Variants in COLGALT1 observed in about 807,000 individuals in gnomAD.
COLGALT1 encodes the protein collagen beta(1-O)galactosyltransferase 1.
A neutral mutation model predicts 60.8 loss-of-function variants in COLGALT1; 43 were observed. The observed-to-expected ratio is 0.71, with a 90% CI of 0.55 to 0.91. The LOEUF (loss-of-function observed/expected upper bound fraction) is 0.91. Ranked by LOEUF, COLGALT1 falls within the 40% of genes least tolerant of loss-of-function variation. COLGALT1 has a pLI of 0.00. For missense variants in COLGALT1, 845 were observed against 880.0 expected (o/e 0.96, Z 0.50); for synonymous variants, 369 against 374.2 (o/e 0.99, Z 0.16).
chr19:17,574,708 A>C (rs1437909444), intron 6 of COLGALT1, among the ~76,000 whole-genome samples: 1 of 152,116 alleles, frequency 6.6e-6, no homozygotes. Context: ...ACAACACCCA[A>C]GAGTGGCATA....
intron 1 of COLGALT1, among the ~76,000 whole-genome samples, chr19:17,557,740 T>A (rs1431864846): frequency 6.6e-6 from 1 of 152,208 alleles, no homozygotes; most frequent in Non-Finnish European, 1.5e-5. Flanking sequence ...TAACTGGGAC[T>A]ACAGGCGTAT....
chr19:17,580,381 G>C, intron 10 of COLGALT1: 1 of 433,734 alleles, frequency 2.3e-6, no homozygotes, highest in Non-Finnish European at 4.2e-6. Flanking sequence ...CCCCATCAGG[G>C]CACCTCGCCC....
intron 6 of COLGALT1, among the ~76,000 whole-genome samples, chr19:17,576,845 A>T (rs1041797306): frequency 2.0e-5 from 2 of 98,808 alleles, no homozygotes; most frequent in African/African-American, 8.0e-5. Context: ...CAGGGCTTAG[A>T]GGCGGGGCTA....
At position 17,580,353 on chromosome 19, in the gene COLGALT1, C is replaced by T. The variant is rs1299797528; in HGVS notation, c.1395-346C>T. Reference sequence around the variant, plus strand: ...CCCCATGTGAATAGTAACTGCACCCCTCCATTCCTGACTGCCCCCCCATCA... The same window carrying T: ...CCCCATGTGAATAGTAACTGCACCCTTCCATTCCTGACTGCCCCCCCATCA... On this transcript the variant is annotated intron_variant, in intron 10 of 11. Coordinates refer to ENST00000252599, the MANE Select transcript of COLGALT1 (RefSeq NM_024656.4). The T allele has an allele frequency of 1.7e-5, 7 of 403,498 alleles. 1 individual carries two copies. The highest frequency in any genetic ancestry group is 9.8e-5 in the South Asian group (4 of 40,938). 25.0% of individuals were successfully genotyped at this position (403,498 alleles called of 1,614,324 possible). A position where few individuals can be genotyped will look rare whatever the true frequency, so the allele number is the denominator to read the frequency against.
Position 17,560,356 on chromosome 19 carries a change from C to G in COLGALT1, c.380C>G (p.Pro127Arg). Residue 127 changes from proline (P) to arginine (R), a missense_variant, in exon 3 of 12, where the codon CCG becomes CGG. Physicochemically the swap from Pro to Arg is moderately radical, Grantham distance 103. Transcript: ENST00000252599. ...CAGCTGCCTCCCCATAGGTCCTACCCGGACGAGGAAGGCCCGAAACACTGG... is the reference window on the plus strand; with the variant it reads ...CAGCTGCCTCCCCATAGGTCCTACCGGGACGAGGAAGGCCCGAAACACTGG... Reference protein sequence around the residue: ...WRPAEEPRSYPDEEGPKHWSD... With the variant: ...WRPAEEPRSYRDEEGPKHWSD... 6 of 1,613,870 alleles carry G rather than the reference C, an allele frequency of 3.7e-6. No individual in the cohort carries two copies. Among genetic ancestry groups the G allele is most frequent in the Non-Finnish European group, 5.1e-6 (6 of 1,179,904 alleles).
chr19:17,577,370 A>C lies in COLGALT1; in HGVS notation c.1036A>C (p.Ile346Leu), dbSNP rs1156676886. Residue 346 changes from isoleucine (I) to leucine (L), a missense_variant, in exon 8 of 12, where the codon ATC becomes CTC. Ile to Leu is a conservative substitution (Grantham distance 5). Transcript: ENST00000252599. ...ACTCTCCGGGCTGCAGGTCTTCATG[A>C]TCAACCTGAGGCGGCGGCAGGACCG... Reference protein sequence around the residue: ...DKMGFDEVFMINLRRRQDRRE... With the variant: ...DKMGFDEVFMLNLRRRQDRRE... The C allele has an allele frequency of 6.2e-7, 1 of 1,600,822 alleles. No individual in the cohort carries two copies. The highest frequency in any genetic ancestry group is 2.2e-5 in the East Asian group (1 of 44,486).
Position 17,560,842 on chromosome 19 carries a change from C to T in COLGALT1, c.489+377C>T, listed in dbSNP as rs1040590570. 1.1e-4 allele frequency among the ~76,000 whole-genome samples: 16 copies of T among 151,806 alleles called. No homozygotes were observed. The East Asian group carries it at 1.2e-3, about 11-fold the overall frequency. ...CTGCCTCCTGGGTTCAAGCGATTCC[C>T]GTGCCACAGCCTCCTGAGTAGCTGG... On this transcript the variant is annotated intron_variant, in intron 3 of 11. Coordinates refer to ENST00000252599, the MANE Select transcript of COLGALT1 (RefSeq NM_024656.4).
In COLGALT1 at chr19:17,577,256, G is replaced by A. The variant is rs1369025643; in HGVS notation, c.1011G>A (p.Lys337=). Reference sequence around the variant, plus strand: ...CGGCTCCCACCAAGACACCGGACAAGATGGGCTTCGACGAGGTGAGCTGGG... The same window carrying A: ...CGGCTCCCACCAAGACACCGGACAAAATGGGCTTCGACGAGGTGAGCTGGG... ...FISAPTKTPD[K]MGFDEVFMIN... is the part of the protein sequence containing the mutation. The change falls in exon 7 of 12, where the codon AAG becomes AAA. Residue 337 remains lysine, a synonymous_variant. Coordinates refer to ENST00000252599, the MANE Select transcript of COLGALT1 (RefSeq NM_024656.4). The A allele has an allele frequency of 6.2e-7, 1 of 1,613,334 alleles. No homozygotes were observed. The highest frequency in any genetic ancestry group is 8.5e-7 in the Non-Finnish European group (1 of 1,179,704).
At chr19:17,567,597 TA>T (rs1308615671) in intron 4 of COLGALT1, 57 bp downstream of exon 4, 1 of 1,571,758 alleles carries the variant, frequency 6.4e-7, no homozygotes, top group East Asian at 2.3e-5. Context: ...GTGCCGTGGC[TA>T]GAGTGTAACT....
In COLGALT1 at chr19:17,577,876, A is replaced by G. The variant is rs1185776441; in HGVS notation, c.1134-81A>G. The G allele has an allele frequency of 3.3e-6, 5 of 1,534,062 alleles. No individual in the cohort carries two copies. In the African/African-American group the frequency reaches 6.8e-5, roughly 21 times the overall value. ...AGGTGGACCAGCTGCTCAACGCCGC[A>G]GGGGGTGGTGGAATGGCCGGGGATG... is the stretch of plus-strand genomic sequence containing the variant. On this transcript the variant is annotated intron_variant, in intron 8 of 11. Transcript: ENST00000252599.
At chr19:17,568,439 G>A (rs17724020) in intron 4 of COLGALT1, 70 bp from the exon 5 acceptor site, 148,892 of 1,339,614 alleles carry the variant, frequency 0.11, 9,248 homozygotes, top group East Asian at 0.22. Flanking sequence ...GTTTCATGCC[G>A]CCCACTATCA....
Position 17,559,434 on chromosome 19 carries a change from C to T in COLGALT1, c.371+13C>T, listed in dbSNP as rs779747175. On this transcript the variant is annotated intron_variant, in intron 2 of 11. Transcript: ENST00000252599. ...CAGAGGAGCCCAGGTGAGCATCTTT[C>T]CCCTGCTCCTAGTCTGATTGGGCTT... 1 of 1,540,900 alleles carries T rather than the reference C, an allele frequency of 6.5e-7. No individual in the cohort carries two copies.
chr19:17,569,891 C>CCT (rs749016124), intron 5 of COLGALT1, among the ~76,000 whole-genome samples: 1,072 of 98,710 alleles, frequency 0.011, 42 homozygotes, highest in African/African-American at 0.04. Context: ...CCACTAATTA[C>CCT]TTTTTTTTTT....
At chr19:17,567,283 C>G (rs1011546337) in intron 3 of COLGALT1, 123 bp from the exon 4 acceptor site, 2 of 1,277,924 alleles carry the variant, frequency 1.6e-6, no homozygotes, top group Non-Finnish European at 2.1e-6. Context: ...TCATTTCATC[C>G]GGTGTAGGGG....
Position 17,577,181 on chromosome 19 carries a change from T to C in COLGALT1, c.950-14T>C, listed in dbSNP as rs1170598482. 2 of 1,612,424 alleles carry C rather than the reference T, an allele frequency of 1.2e-6. No individual in the cohort carries two copies. Among genetic ancestry groups the C allele is most frequent in the Non-Finnish European group, 8.5e-7 (1 of 1,179,322 alleles). The stretch of plus-strand genomic sequence containing the variant: ...TCCTTACCCCAGCGACTCCTCAACG[T>C]CTGTGCCCCACAGTGAAGCACCCGC... On this transcript the variant is annotated splice_polypyrimidine_tract_variant and intron_variant, in intron 6 of 11. Coordinates refer to ENST00000252599, the MANE Select transcript of COLGALT1 (RefSeq NM_024656.4).
chr19:17,573,659 C>T (rs1218140670), intron 6 of COLGALT1, among the ~76,000 whole-genome samples: 1 of 152,070 alleles, frequency 6.6e-6, no homozygotes, highest in African/African-American at 2.4e-5. Flanking sequence ...AATCGTGCCA[C>T]TGCACTACAG....
At chr19:17,560,772 G>A (rs571972098) in intron 3 of COLGALT1, among the ~76,000 whole-genome samples, 3 of 151,934 alleles carry the variant, frequency 2.0e-5, no homozygotes, top group East Asian at 3.9e-4. Flanking sequence ...TCACTCTGGT[G>A]CCCAGGCTGG....
At chr19:17,563,352 G>A (rs888718688) in intron 3 of COLGALT1, among the ~76,000 whole-genome samples, 3 of 147,854 alleles carry the variant, frequency 2.0e-5, no homozygotes, top group Non-Finnish European at 3.0e-5. Context: ...CACCATGCCC[G>A]GCTATTTTTT....
chr19:17,569,599 GC>G (rs2076300091), intron 5 of COLGALT1, among the ~76,000 whole-genome samples: 1 of 151,856 alleles, frequency 6.6e-6, no homozygotes, highest in South Asian at 2.1e-4. Context: ...ACCATGTCTG[GC>G]TCATTTTTAT....
Sources: gnomAD v4.1 joint callset for allele counts (sites outside exome capture counted in the v4.1 genomes callset) on GRCh38, gnomAD v4.1.1 for gene constraint, MANE v1.5 for transcripts, NCBI Gene and HGNC (gene_info 2026-07-23, HGNC 2026-07-21) for gene names.